PXDN: variants seen among roughly 807,000 people sequenced by gnomAD.
PXDN encodes peroxidasin homolog.
A neutral mutation model predicts 140.3 loss-of-function variants in PXDN; 77 were observed. That is an observed-to-expected ratio of 0.55 (90% CI 0.46 to 0.66). The LOEUF is 0.66. Ranked by LOEUF, PXDN falls within the 30% of genes least tolerant of loss-of-function variation. The pLI is 0.00. For synonymous variants in PXDN, 911 were observed against 857.4 expected, an observed-to-expected ratio of 1.06 and a Z score of -1.09; for missense variants, 1,838 against 2,039.5, an observed-to-expected ratio of 0.90 and a Z score of 1.90.
intron 7 of PXDN, among the ~76,000 whole-genome samples, 170 bp from the exon 8 acceptor site, chr2:1,677,214 C>T (rs1683740042): frequency 1.3e-5 from 2 of 152,146 alleles, no homozygotes; most frequent in Admixed American, 6.5e-5. Context: ...TCTACAGCCC[C>T]GTCTATGGTG....
chr2:1,724,476 G>A lies in PXDN; in HGVS notation c.200+19780C>T, dbSNP rs187139020. Among the ~76,000 whole-genome samples, 1,059 of 152,266 alleles carry A rather than the reference G, an allele frequency of 7.0e-3. 14 individuals are homozygous for A. Among genetic ancestry groups the A allele is most frequent in the African/African-American group, 0.025 (1,020 of 41,550 alleles). ...GGAGGTTAGATAAGCATCTTTATGA[G>A]TGTTTATCTATGCTGCAGTTTAAAG... On this transcript the variant is annotated intron_variant, in intron 1 of 22. Transcript: ENST00000252804.
chr2:1,714,867 C>T lies in PXDN; in HGVS notation c.201-21733G>A, dbSNP rs140032119. 0.01 allele frequency among the ~76,000 whole-genome samples: 1,560 copies of T among 152,274 alleles called. 16 individuals carry two copies. Among genetic ancestry groups the T allele is most frequent in the African/African-American group, 0.016 (678 of 41,570 alleles). ...AGGAAGTAGGGGGTCCCTCTCCAGG[C>T]TCTGGGAGCCTGGCCTGGCGCCCTG... On this transcript the variant is annotated intron_variant, in intron 1 of 22. Coordinates refer to ENST00000252804, the MANE Select transcript of PXDN (RefSeq NM_012293.3). The surrounding 1 kb of genome is among the most constrained non-coding windows in gnomAD (Gnocchi z 4.3).
chr2:1,643,932 T>C (rs111531455), intron 18 of PXDN, among the ~76,000 whole-genome samples: 15,048 of 151,136 alleles, frequency 0.1, 973 homozygotes, highest in African/African-American at 0.19. Context: ...ATTAGCCGGG[T>C]GTGGTGGTGG....
chr2:1,660,742 C>T lies in PXDN; in HGVS notation c.1837+139G>A. Reference sequence around the variant, plus strand: ...GCCCGGCCATGCATCAGGAGAGTGTCCCCACCTGGGAATCAAGGGTGCTTT... The same window carrying T: ...GCCCGGCCATGCATCAGGAGAGTGTTCCCACCTGGGAATCAAGGGTGCTTT... On this transcript the variant is annotated intron_variant, in intron 14 of 22. Transcript: ENST00000252804. This position sits in a 1 kb window ranked among gnomAD's most constrained non-coding sequence, Gnocchi z 4.6. 1 of 1,157,142 alleles carries T rather than the reference C, an allele frequency of 8.6e-7. No homozygotes were observed. The highest frequency in any genetic ancestry group is 1.2e-6 in the Non-Finnish European group (1 of 846,414). 71.7% of individuals were successfully genotyped at this position (1,157,142 alleles called of 1,614,324 possible). A position where few individuals can be genotyped will look rare whatever the true frequency, so the allele number is the denominator to read the frequency against.
At chr2:1,699,373 C>T (rs1306767482) in intron 1 of PXDN, among the ~76,000 whole-genome samples, 4 of 151,190 alleles carry the variant, frequency 2.6e-5, no homozygotes, top group Non-Finnish European at 5.9e-5. Flanking sequence ...TTTTCCCATA[C>T]GCAAGTCTCA....
At position 1,659,908 on chromosome 2, in the gene PXDN, T is replaced by C. The variant is rs554602185; in HGVS notation, c.1837+973A>G. 1.3e-3 allele frequency among the ~76,000 whole-genome samples: 195 copies of C among 152,274 alleles called. 2 individuals carry two copies. The highest frequency in any genetic ancestry group is 2.1e-3 in the Non-Finnish European group (144 of 68,020). On this transcript the variant is annotated intron_variant, in intron 14 of 22. Transcript: ENST00000252804. ...TCTTCCTGTCTGTTAACAAGTCCCA[T>C]GGAGAAGGCGGATCAGTCACAATGA...
intron 1 of PXDN, among the ~76,000 whole-genome samples, chr2:1,702,265 G>A (rs1009746574): frequency 3.9e-5 from 6 of 152,142 alleles, no homozygotes; most frequent in Non-Finnish European, 8.8e-5. Context: ...CGGGAATTGG[G>A]GTCCTGCCCA....
chr2:1,744,229 GC>G (rs1685634558), intron 1 of PXDN, 26 bp downstream of exon 1: 5 of 1,424,066 alleles, frequency 3.5e-6, no homozygotes, highest in Non-Finnish European at 3.7e-6. Context: ...CGGACCCCGC[GC>G]CCCCGGCGTC....
rs1443829997 is a variant in PXDN, at chr2:1,660,265, C to CCT, written c.1837+614_1837+615dup. 6.6e-6 allele frequency among the ~76,000 whole-genome samples: 1 copy of CCT among 152,092 alleles called. No homozygotes were observed. On this transcript the variant is annotated intron_variant, in intron 14 of 22. Coordinates refer to ENST00000252804, the MANE Select transcript of PXDN (RefSeq NM_012293.3). This position sits in a 1 kb window ranked among gnomAD's most constrained non-coding sequence, Gnocchi z 4.6. Reference sequence around the variant, plus strand: ...GAAAGAGGGGCCAGAGTGACCCGGGCCTCTGTTACAAGAACCCGGACAAGA... The same window carrying CCT: ...GAAAGAGGGGCCAGAGTGACCCGGGCCTCTCTGTTACAAGAACCCGGACAAGA...
rs557802183 is a variant in PXDN, at chr2:1,648,351, C to G, written c.3429G>C (p.Leu1143=). 1 of 1,613,762 alleles carries G rather than the reference C, an allele frequency of 6.2e-7. No individual in the cohort carries two copies. The highest frequency in any genetic ancestry group is 2.2e-5 in the East Asian group (1 of 44,872). ...QLLNTELTER[L]FSMAHTVALD... is the part of the protein sequence containing the mutation. Reference sequence around the variant, plus strand: ...GAGCCACCGTGTGTGCCATGGAGAACAGCCGCTCCGTGAGCTCCGTGTTCA... The same window carrying G: ...GAGCCACCGTGTGTGCCATGGAGAAGAGCCGCTCCGTGAGCTCCGTGTTCA... The change falls in exon 17 of 23, where the codon CTG becomes CTC. Residue 1143 remains leucine (L), a synonymous_variant. Coordinates refer to ENST00000252804, the MANE Select transcript of PXDN (RefSeq NM_012293.3). This position sits in a 1 kb window ranked among gnomAD's most constrained non-coding sequence, Gnocchi z 8.9.
At position 1,660,685 on chromosome 2, in the gene PXDN, G is replaced by A. The variant is rs1683282652; in HGVS notation, c.1837+196C>T. ...CGTGGATGGGCAGCAGGGCCTCCAG[G>A]TGCCTGTGTGGAGGGGAGGGGCTGT... On this transcript the variant is annotated intron_variant, in intron 14 of 22. Coordinates refer to ENST00000252804, the MANE Select transcript of PXDN (RefSeq NM_012293.3). This position sits in a 1 kb window ranked among gnomAD's most constrained non-coding sequence, Gnocchi z 4.6. Among the ~76,000 whole-genome samples the A allele has an allele frequency of 6.6e-6, 1 of 152,218 alleles. No homozygotes were observed. Among genetic ancestry groups the A allele is most frequent in the South Asian group, 2.1e-4 (1 of 4,832 alleles).
intron 9 of PXDN, among the ~76,000 whole-genome samples, chr2:1,672,980 T>G (rs1475151402): frequency 6.6e-6 from 1 of 152,120 alleles, no homozygotes; most frequent in Admixed American, 6.5e-5. Context: ...TGAACTGATC[T>G]GTATCATTTC....
chr2:1,679,191 CGT>C (rs950509216), intron 7 of PXDN, among the ~76,000 whole-genome samples: 3 of 136,392 alleles, frequency 2.2e-5, no homozygotes, highest in Non-Finnish European at 3.1e-5. Context: ...CGTGTATGTG[CGT>C]GTGTGTGGTT....
At chr2:1,658,027 GCTCTCTCTCTCTCTCTCTCTCT>G (rs1156959508) in intron 14 of PXDN, among the ~76,000 whole-genome samples, 3 of 4,896 alleles carry the variant, frequency 6.1e-4, no homozygotes, top group Admixed American at 3.4e-3. Context: ...TCAGCTGTGG[GCTCTCTCTCTCTCTCTCTCTCT>G]CTCTCTCTCT....
At position 1,680,243 on chromosome 2, in the gene PXDN, C is replaced by T. The variant is rs1240677192; in HGVS notation, c.680G>A (p.Arg227His). 4 of 1,610,362 alleles carry T rather than the reference C, an allele frequency of 2.5e-6. No homozygotes were observed. Among genetic ancestry groups the T allele is most frequent in the African/African-American group, 2.7e-5 (2 of 74,960 alleles). ...QAAAICEYPR[R>H]IQGRSVATIT... ...GGTTGCCACTGAGCGTCCCTGGATG[C>T]GTCTGGGATATTCACAGATGGCCGC... The change falls in exon 7 of 23, where the codon CGC becomes CAC. Residue 227 changes from arginine (R) to histidine (H), a missense_variant. Physicochemically the swap from Arg to His is conservative, Grantham distance 29. Transcript: ENST00000252804.
rs969183979 is a variant in PXDN at position 1,632,041 on chromosome 2, T to C, written c.*2163A>G. The C allele has an allele frequency of 6.6e-6, 1 of 152,664 alleles. No homozygotes were observed. The highest frequency in any genetic ancestry group is 1.5e-5 in the Non-Finnish European group (1 of 68,052). The allele number at this position is 152,664 out of a possible 1,614,324, so 9.5% of individuals were successfully genotyped here. ...TAAATAAATATGTACATTCCACTCC[T>C]GTTACAGCGATCCCGCACAGTGGCT... On this transcript the variant is annotated 3_prime_UTR_variant, in exon 23 of 23. Transcript: ENST00000252804. This position sits in a 1 kb window ranked among gnomAD's most constrained non-coding sequence, Gnocchi z 4.3.
chr2:1,722,171 CA>C (rs1685069137), intron 1 of PXDN, among the ~76,000 whole-genome samples: 1 of 152,160 alleles, frequency 6.6e-6, no homozygotes, highest in South Asian at 2.1e-4. Flanking sequence ...CGAGCGGACA[CA>C]AAATAGAACA....
intron 14 of PXDN, among the ~76,000 whole-genome samples, chr2:1,659,932 G>A (rs1683263579): frequency 1.3e-5 from 2 of 152,196 alleles, no homozygotes; most frequent in African/African-American, 4.8e-5. Context: ...CAGTCACAAT[G>A]AGAGTGGAAA....
At chr2:1,719,216 G>A (rs959214515) in intron 1 of PXDN, among the ~76,000 whole-genome samples, 7 of 152,144 alleles carry the variant, frequency 4.6e-5, no homozygotes, top group Non-Finnish European at 1.0e-4. Flanking sequence ...TGGGAACAGA[G>A]CCAGGGGAGG....
Sources: gnomAD v4.1 joint callset for allele counts (sites outside exome capture counted in the v4.1 genomes callset) on GRCh38, gnomAD v4.1.1 for gene constraint, Gnocchi (gnomAD v3.1) non-coding constraint, MANE v1.5 for transcripts, NCBI Gene and HGNC (gene_info 2026-07-23, HGNC 2026-07-21) for gene names.